The following SLC24A2 variants were observed in gnomAD, a reference collection of about 807,000 sequenced individuals.
SLC24A2 encodes solute carrier family 24 member 2, also known as sodium/potassium/calcium exchanger 2.
SLC24A2 carries 36 observed loss-of-function variants against 62.0 expected under a neutral mutation model. The observed-to-expected ratio is 0.58, with a 90% CI of 0.44 to 0.77. The LOEUF (loss-of-function observed/expected upper bound fraction) is 0.77. SLC24A2 is among the 30% of genes least tolerant of loss of function. SLC24A2 has a pLI of 0.00. For synonymous variants in SLC24A2, 358 were observed against 294.0 expected, an observed-to-expected ratio of 1.22 and a Z score of -2.23; for missense variants, 846 against 817.9, an observed-to-expected ratio of 1.03 and a Z score of -0.42.
intron 9 of SLC24A2, among the ~76,000 whole-genome samples, chr9:19,521,450 C>T (rs950466901): frequency 1.3e-5 from 2 of 152,194 alleles, no homozygotes; most frequent in African/African-American, 4.8e-5. Context: ...ATTTGCCCTT[C>T]AACTTACTAC....
chr9:19,897,849 C>G, the SLC24A2 span, among the ~76,000 whole-genome samples: 2 of 152,272 alleles, frequency 1.3e-5, no homozygotes, highest in Middle Eastern at 3.4e-3. Context: ...ACCCAAAGCT[C>G]GAGATTTTTC....
At chr9:19,533,135 G>A (rs1218425049) in intron 8 of SLC24A2, among the ~76,000 whole-genome samples, 1 of 152,126 alleles carries the variant, frequency 6.6e-6, no homozygotes, top group Non-Finnish European at 1.5e-5. Context: ...GCTAGTGGGA[G>A]TACTATATAC....
the SLC24A2 span, among the ~76,000 whole-genome samples, chr9:20,006,001 C>T: frequency 6.6e-6 from 1 of 151,618 alleles, no homozygotes; most frequent in South Asian, 2.1e-4. Flanking sequence ...TATATTCTGT[C>T]ATACCACATA....
intron 2 of SLC24A2, among the ~76,000 whole-genome samples, chr9:19,743,675 T>C (rs1394028541): frequency 6.6e-6 from 1 of 152,182 alleles, no homozygotes; most frequent in East Asian, 1.9e-4. Flanking sequence ...CTAAGTAAAT[T>C]ATTTAACTGC....
At chr9:20,052,003 C>T in the SLC24A2 span, among the ~76,000 whole-genome samples, 1 of 152,022 alleles carries the variant, frequency 6.6e-6, no homozygotes, top group Non-Finnish European at 1.5e-5. Flanking sequence ...ATGAGATAAT[C>T]CATATCAAGT....
chr9:19,935,667 C>T, the SLC24A2 span, among the ~76,000 whole-genome samples: 1 of 152,238 alleles, frequency 6.6e-6, no homozygotes, highest in East Asian at 1.9e-4. Flanking sequence ...AGGGTAGGTT[C>T]CTTGGCTGCC....
chr9:20,104,218 T>A, the SLC24A2 span, among the ~76,000 whole-genome samples: 1 of 152,162 alleles, frequency 6.6e-6, no homozygotes, highest in Non-Finnish European at 1.5e-5. Context: ...CAAATCTACA[T>A]CTGATTGGTG....
At chr9:20,269,170 G>T in the SLC24A2 span, among the ~76,000 whole-genome samples, 1 of 152,104 alleles carries the variant, frequency 6.6e-6, no homozygotes, top group Non-Finnish European at 1.5e-5. Flanking sequence ...GCAGGAGGGG[G>T]TCTTAGCCGT....
chr9:20,115,783 G>T, the SLC24A2 span, among the ~76,000 whole-genome samples: 1 of 152,068 alleles, frequency 6.6e-6, no homozygotes, highest in Non-Finnish European at 1.5e-5. Flanking sequence ...CTCAATAAAT[G>T]GACTATCCAT....
At chr9:19,531,060 G>C (rs1453913346) in intron 8 of SLC24A2, among the ~76,000 whole-genome samples, 4 of 152,076 alleles carry the variant, frequency 2.6e-5, no homozygotes, top group African/African-American at 9.7e-5. Flanking sequence ...ATTAAAAAAA[G>C]CATCAGGGAA....
At chr9:20,107,600 T>A in the SLC24A2 span, among the ~76,000 whole-genome samples, 1 of 152,172 alleles carries the variant, frequency 6.6e-6, no homozygotes, top group Admixed American at 6.5e-5. Context: ...GGGGAAAGGA[T>A]TCCCCATTTC....
At position 19,510,900 on chromosome 9, in the gene SLC24A2, C is replaced by T. The variant is rs539359881; in HGVS notation, c.*5253G>A. ...TGGATTTGCTTGTCCTTTGTAGCTG[C>T]TTCTTACTCTTTCTTAAGAAATCTG... On this transcript the variant is annotated 3_prime_UTR_variant, in exon 11 of 11. Coordinates refer to ENST00000341998, the MANE Select transcript of SLC24A2 (RefSeq NM_020344.4). The T allele has an allele frequency of 2.4e-4, 37 of 152,312 alleles. No homozygotes were observed. Among genetic ancestry groups the T allele is most frequent in the African/African-American group, 8.4e-4 (35 of 41,554 alleles). 9.4% of individuals were successfully genotyped at this position (152,312 alleles called of 1,614,324 possible). A position where few individuals can be genotyped will look rare whatever the true frequency, so the allele number is the denominator to read the frequency against.
the SLC24A2 span, among the ~76,000 whole-genome samples, chr9:20,066,175 A>G: frequency 6.6e-6 from 1 of 152,222 alleles, no homozygotes; most frequent in Non-Finnish European, 1.5e-5. Context: ...AATTTGCTTT[A>G]TTGTGAACAA....
chr9:20,169,768 A>T, the SLC24A2 span, among the ~76,000 whole-genome samples: 1 of 151,946 alleles, frequency 6.6e-6, no homozygotes, highest in Non-Finnish European at 1.5e-5. Context: ...GACAAAACAA[A>T]GTTCTTTGAC....
At chr9:19,560,466 C>T (rs945973554) in intron 7 of SLC24A2, among the ~76,000 whole-genome samples, 3 of 152,218 alleles carry the variant, frequency 2.0e-5, no homozygotes, top group Non-Finnish European at 4.4e-5. Context: ...CTCTCTCTGT[C>T]TCTATGTCCC....
At chr9:19,665,192 C>T (rs1819214338) in intron 2 of SLC24A2, among the ~76,000 whole-genome samples, 1 of 152,128 alleles carries the variant, frequency 6.6e-6, no homozygotes, top group Non-Finnish European at 1.5e-5. Context: ...TTTTGCAAGG[C>T]ATGGCCCTGG....
chr9:19,704,627 G>A (rs967948393), intron 2 of SLC24A2, among the ~76,000 whole-genome samples: 2 of 152,036 alleles, frequency 1.3e-5, no homozygotes, highest in African/African-American at 4.8e-5. Context: ...CAGGAACCAA[G>A]AGGCTGAACT....
intron 2 of SLC24A2, among the ~76,000 whole-genome samples, chr9:19,739,729 T>C (rs753264297): frequency 7.2e-5 from 11 of 152,202 alleles, no homozygotes; most frequent in Non-Finnish European, 1.6e-4. Context: ...ATAACACAGG[T>C]GAATATCTTT....
chr9:19,578,823 G>A (rs764824027), intron 5 of SLC24A2, among the ~76,000 whole-genome samples: 1 of 152,096 alleles, frequency 6.6e-6, no homozygotes, highest in Admixed American at 6.5e-5. Flanking sequence ...AAAATGACAC[G>A]AGCTGTGACC....
Sources: allele counts gnomAD v4.1 joint callset (sites outside exome capture counted in the v4.1 genomes callset), GRCh38; gene constraint gnomAD v4.1.1; transcripts MANE v1.5; gene names NCBI Gene and HGNC (gene_info 2026-07-23, HGNC 2026-07-21).